IKZF3: variants seen among roughly 807,000 people sequenced by gnomAD.
IKZF3 encodes zinc finger protein Aiolos.
IKZF3 carries 10 observed loss-of-function variants against 49.0 expected under a neutral mutation model. That is an observed-to-expected ratio of 0.20 (90% CI 0.13 to 0.35). The LOEUF is 0.35. IKZF3 is among the 10% of genes least tolerant of loss of function. The pLI is 1.00. For synonymous variants in IKZF3, 209 were observed against 228.2 expected (o/e 0.92, Z 0.76); for missense variants, 498 against 664.8 (o/e 0.75, Z 2.76).
rs35545323 is a variant in IKZF3, at chr17:39,798,507, A to ATT, written c.164-5576_164-5575dup. Among the ~76,000 whole-genome samples the ATT allele has an allele frequency of 4.5e-3, 615 of 138,198 alleles. 7 individuals are homozygous for ATT. The highest frequency in any genetic ancestry group is 0.015 in the African/African-American group (566 of 37,918). 90.7% of individuals were successfully genotyped at this position (138,198 alleles called of 152,430 possible). ...GGTCCAAGTCCTACACATCCTACGTATTTTTTTTTTTTTTTTGAGACGGAG... is the reference window on the plus strand; with the variant it reads ...GGTCCAAGTCCTACACATCCTACGTATTTTTTTTTTTTTTTTTTGAGACGGAG... On this transcript the variant is annotated intron_variant, in intron 3 of 7. Coordinates refer to ENST00000346872, the MANE Select transcript of IKZF3 (RefSeq NM_012481.5).
chr17:39,783,545 C>A (rs976683620), intron 6 of IKZF3, among the ~76,000 whole-genome samples: 1 of 152,148 alleles, frequency 6.6e-6, no homozygotes, highest in Non-Finnish European at 1.5e-5. Context: ...TGTTCTGGAA[C>A]TCCTGACCTC....
At chr17:39,816,538 G>A (rs1245409030) in intron 3 of IKZF3, among the ~76,000 whole-genome samples, 1 of 152,192 alleles carries the variant, frequency 6.6e-6, no homozygotes, top group African/African-American at 2.4e-5. Flanking sequence ...TGGCAGAGTT[G>A]AGAAGATGCA....
At chr17:39,806,368 T>C (rs528045527) in intron 3 of IKZF3, among the ~76,000 whole-genome samples, 1 of 152,294 alleles carries the variant, frequency 6.6e-6, no homozygotes, top group East Asian at 1.9e-4. Flanking sequence ...AATTTTAAAA[T>C]GCACGAAAGT....
intron 6 of IKZF3, chr17:39,778,148 T>C (rs911451366): frequency 3.0e-6 from 3 of 991,650 alleles, no homozygotes; most frequent in South Asian, 4.6e-5. Context: ...CAGACTGATA[T>C]AATTCTTAAC....
At chr17:39,861,100 C>CA (rs1472441563) in intron 1 of IKZF3, among the ~76,000 whole-genome samples, 1 of 152,120 alleles carries the variant, frequency 6.6e-6, no homozygotes, top group East Asian at 1.9e-4. Context: ...TTGAATGCAA[C>CA]AAATTCTGAG....
chr17:39,846,231 A>G (rs1463722831), intron 1 of IKZF3, among the ~76,000 whole-genome samples: 8 of 152,186 alleles, frequency 5.3e-5, no homozygotes, highest in Admixed American at 5.2e-4. Flanking sequence ...CTACTGAGAT[A>G]CTGACATATA....
chr17:39,795,547 C>T (rs2143923590), intron 3 of IKZF3, among the ~76,000 whole-genome samples: 1 of 152,078 alleles, frequency 6.6e-6, no homozygotes, highest in African/African-American at 2.4e-5. Flanking sequence ...GCTGGGATTA[C>T]AGGCATGCAC....
At chr17:39,778,044 C>T in intron 6 of IKZF3, 1 of 1,078,666 alleles carries the variant, frequency 9.3e-7, no homozygotes, top group Non-Finnish European at 1.1e-6. Context: ...AAATAAACAG[C>T]CTGGACGTGG....
At chr17:39,845,366 CAA>C (rs202035597) in intron 1 of IKZF3, among the ~76,000 whole-genome samples, 1 of 149,728 alleles carries the variant, frequency 6.7e-6, no homozygotes. Context: ...TAAAAAAATA[CAA>C]AAAAAAATTA....
chr17:39,864,285 AGCC>A lies in IKZF3; in HGVS notation c.-162_-160del. On this transcript the variant is annotated 5_prime_UTR_variant, in exon 1 of 8. Transcript: ENST00000346872. ...GTCGGCGCAGACTGAAAAGGGCAGGAGCCGGCGACCTGCCGGTGCGCGGGGTTA... is the reference window on the plus strand; with the variant it reads ...GTCGGCGCAGACTGAAAAGGGCAGGAGGCGACCTGCCGGTGCGCGGGGTTA... The A allele has an allele frequency of 1.3e-6, 1 of 766,138 alleles. No homozygotes were observed. Among genetic ancestry groups the A allele is most frequent in the South Asian group, 2.0e-5 (1 of 50,974 alleles). 47.5% of individuals were successfully genotyped at this position (766,138 alleles called of 1,614,324 possible). A position where few individuals can be genotyped will look rare whatever the true frequency, so the allele number is the denominator to read the frequency against.
chr17:39,762,958 C>T lies in IKZF3; in HGVS notation c.*2832G>A, dbSNP rs2060213229. The T allele has an allele frequency of 6.6e-6, 1 of 152,202 alleles. No homozygotes were observed. Among genetic ancestry groups the T allele is most frequent in the Admixed American group, 6.5e-5 (1 of 15,280 alleles). The allele number at this position is 152,202 out of a possible 1,614,324, so 9.4% of individuals were successfully genotyped here. ...AACACTAATCTGGTGGAAAGGCTTC[C>T]TTTCCCTCGTTTTCTCTTCTACTAA... On this transcript the variant is annotated 3_prime_UTR_variant, in exon 8 of 8. Transcript: ENST00000346872.
At chr17:39,784,605 T>C (rs1238272072) in intron 6 of IKZF3, among the ~76,000 whole-genome samples, 2 of 152,194 alleles carry the variant, frequency 1.3e-5, no homozygotes, top group African/African-American at 2.4e-5. Context: ...GGTTTCAACA[T>C]GTTGGCCAAG....
rs575782689 is a variant in IKZF3, at chr17:39,801,433, C to T, written c.164-8500G>A. 3.3e-5 allele frequency among the ~76,000 whole-genome samples: 5 copies of T among 152,150 alleles called. No individual in the cohort carries two copies. The East Asian group carries it at 9.6e-4, about 29-fold the overall frequency. Reference sequence around the variant, plus strand: ...ATTGTGAAAGCATCTAAATAGTTTACCAGGTTTTGACAGCTGTTAATAGGA... The same window carrying T: ...ATTGTGAAAGCATCTAAATAGTTTATCAGGTTTTGACAGCTGTTAATAGGA... On this transcript the variant is annotated intron_variant, in intron 3 of 7. Coordinates refer to ENST00000346872, the MANE Select transcript of IKZF3 (RefSeq NM_012481.5).
Position 39,766,335 on chromosome 17 carries a change from C to G in IKZF3, c.985G>C (p.Ala329Pro). The stretch of plus-strand genomic sequence containing the variant: ...ACTGGAACCATCTCCGAGGTGGGAG[C>G]AGGCGGTGTCTGGACCAAGGGGCGC... ...ALRPLVQTPP[A>P]PTSEMVPVIS... The change falls in exon 8 of 8, where the codon GCT (alanine) becomes CCT (proline). Residue 329 changes from alanine (A) to proline (P), a missense_variant. Ala to Pro is a conservative substitution (Grantham distance 27, BLOSUM62 -1). Transcript: ENST00000346872. 1 of 1,614,168 alleles carries G rather than the reference C, an allele frequency of 6.2e-7. No homozygotes were observed. Among genetic ancestry groups the G allele is most frequent in the Non-Finnish European group, 8.5e-7 (1 of 1,180,030 alleles).
intron 3 of IKZF3, among the ~76,000 whole-genome samples, chr17:39,804,445 C>CAAAAAA (rs755310056): frequency 1.2e-5 from 1 of 80,370 alleles, no homozygotes. Context: ...GACTCTGTCT[C>CAAAAAA]AAAAAAAAAA....
intron 3 of IKZF3, among the ~76,000 whole-genome samples, chr17:39,823,132 T>A (rs965416205): frequency 1.3e-5 from 2 of 152,170 alleles, no homozygotes; most frequent in Non-Finnish European, 1.5e-5. Flanking sequence ...TAGAGACTTG[T>A]TGAATGGTTT....
intron 1 of IKZF3, among the ~76,000 whole-genome samples, chr17:39,850,618 T>G (rs1327392682): frequency 7.6e-6 from 1 of 131,640 alleles, no homozygotes; most frequent in Non-Finnish European, 1.5e-5. Flanking sequence ...CTATTATATA[T>G]GTATATATAA....
intron 3 of IKZF3, among the ~76,000 whole-genome samples, chr17:39,826,641 A>C (rs759374655): frequency 5.3e-5 from 8 of 152,176 alleles, no homozygotes; most frequent in Non-Finnish European, 1.0e-4. Flanking sequence ...GGGTGCATTA[A>C]AGTAGGACAT....
At chr17:39,829,344 A>G (rs953575903) in intron 3 of IKZF3, 43 bp downstream of exon 3, 2 of 1,358,968 alleles carry the variant, frequency 1.5e-6, no homozygotes, top group Non-Finnish European at 2.1e-6. Context: ...AGCCTAAGCA[A>G]TATCTACAGG....
Sources: gnomAD v4.1 joint callset for allele counts (sites outside exome capture counted in the v4.1 genomes callset) on GRCh38, gnomAD v4.1.1 for gene constraint, MANE v1.5 for transcripts, NCBI Gene and HGNC (gene_info 2026-07-23, HGNC 2026-07-21) for gene names.